LRRC49: variants seen among roughly 807,000 people sequenced by gnomAD.
The protein encoded by LRRC49 is leucine rich repeat containing 49, also known as leucine-rich repeat-containing protein 49.
In LRRC49, 50 loss-of-function variants were observed where a neutral mutation model predicts 83.3. That is an observed-to-expected ratio of 0.60 (90% CI 0.48 to 0.76). The LOEUF (loss-of-function observed/expected upper bound fraction) is 0.76. LRRC49 is among the 30% of genes least tolerant of loss of function. The pLI is 0.00. For missense variants in LRRC49, 704 were observed against 809.1 expected, an observed-to-expected ratio of 0.87 and a Z score of 1.58; for synonymous variants, 286 against 283.3, an observed-to-expected ratio of 1.01 and a Z score of -0.10.
At chr15:70,863,415 G>C (rs1408925230) in intron 1 of LRRC49, among the ~76,000 whole-genome samples, 1 of 152,206 alleles carries the variant, frequency 6.6e-6, no homozygotes, top group Non-Finnish European at 1.5e-5. Context: ...GGATATGAGA[G>C]CAAACAAGAC....
chr15:71,019,185 T>A (rs2038918061), intron 14 of LRRC49, among the ~76,000 whole-genome samples: 1 of 152,120 alleles, frequency 6.6e-6, no homozygotes, highest in Non-Finnish European at 1.5e-5. Context: ...AAGTCAGTTT[T>A]CAGCTCCTCT....
chr15:70,884,003 A>G (rs2033336831), intron 2 of LRRC49, among the ~76,000 whole-genome samples: 3 of 152,114 alleles, frequency 2.0e-5, no homozygotes, highest in Admixed American at 6.6e-5. Context: ...AGGTAGAAAG[A>G]AGGAGGGTTT....
intron 6 of LRRC49, among the ~76,000 whole-genome samples, chr15:70,912,063 T>C (rs1239890122): frequency 6.6e-6 from 1 of 152,144 alleles, no homozygotes; most frequent in Non-Finnish European, 1.5e-5. Flanking sequence ...TGTCTCTTAA[T>C]TTAAAAAAGG....
chr15:70,912,035 T>A (rs2034570208), intron 6 of LRRC49, among the ~76,000 whole-genome samples: 1 of 152,164 alleles, frequency 6.6e-6, no homozygotes, highest in South Asian at 2.1e-4. Flanking sequence ...GTCTTAATAA[T>A]ATATCCTTTA....
rs190710575 is a variant in LRRC49 at position 70,989,069 on chromosome 15, A to G, written c.1169+4812A>G. ...ACCTTTCTCTCTGGCTGTGCTTAAC[A>G]TTTTTTCCTTCATTTCAACTTTGGT... On this transcript the variant is annotated intron_variant, in intron 11 of 15. Transcript: ENST00000260382. Among the ~76,000 whole-genome samples the G allele has an allele frequency of 9.9e-5, 15 of 151,948 alleles. No homozygotes were observed. In the East Asian group the frequency reaches 2.9e-3, roughly 29 times the overall value.
At chr15:70,859,300 CAAG>C in intron 1 of LRRC49, 1 of 811,244 alleles carries the variant, frequency 1.2e-6, no homozygotes, top group Non-Finnish European at 2.2e-6. Flanking sequence ...TTGTCCTCAT[CAAG>C]AAGGATGTGG....
intron 14 of LRRC49, among the ~76,000 whole-genome samples, chr15:71,016,691 T>C (rs1008302795): frequency 6.6e-6 from 1 of 152,060 alleles, no homozygotes; most frequent in African/African-American, 2.4e-5. Flanking sequence ...TTAATATTTC[T>C]TCATACCAAT....
chr15:70,989,390 C>G (rs1039509900), intron 11 of LRRC49, among the ~76,000 whole-genome samples: 1 of 152,140 alleles, frequency 6.6e-6, no homozygotes, highest in Non-Finnish European at 1.5e-5. Flanking sequence ...ATTTCATCTT[C>G]CATCACTGAT....
In LRRC49 at chr15:71,012,834, A is replaced by T. The variant is rs774959858; in HGVS notation, c.1624A>T (p.Arg542Trp). The change falls in exon 14 of 16, where the codon AGG becomes TGG. Residue 542 changes from arginine to tryptophan, a missense_variant. Physicochemically the swap from Arg to Trp is moderately radical, Grantham distance 101. Transcript: ENST00000260382. ...ACAGAATGATATGATAATGGCTGAA[A>T]GGCTCTTTGGAATCCTAGCACATGT... is the stretch of plus-strand genomic sequence containing the variant. Reference protein sequence around the residue: ...VTQNDMIMAERLFGILAHVAS... With the variant: ...VTQNDMIMAEWLFGILAHVAS... The T allele has an allele frequency of 3.7e-6, 6 of 1,612,726 alleles. No individual in the cohort carries two copies. The highest frequency in any genetic ancestry group is 5.1e-6 in the Non-Finnish European group (6 of 1,179,214).
At position 70,884,599 on chromosome 15, in the gene LRRC49, A is replaced by G. The variant is rs961641263; in HGVS notation, c.19-8985A>G. On this transcript the variant is annotated intron_variant, in intron 2 of 16. Coordinates refer to the LRRC49 transcript ENST00000544974. ...AAATTCCTGTGAAGAGTCCCTTTGT[A>G]ACACAAATCTTATTTAAAGGGTTTA... is the stretch of plus-strand genomic sequence containing the variant. Among the ~76,000 whole-genome samples, 199 of 152,222 alleles carry G rather than the reference A, an allele frequency of 1.3e-3. 2 individuals carry two copies. The highest frequency in any genetic ancestry group is 5.9e-5 in the Non-Finnish European group (4 of 68,010).
upstream of LRRC49, chr15:70,892,453 CTCTTTGATATCTT>C (rs1169175859): frequency 6.5e-7 from 1 of 1,534,156 alleles, no homozygotes; most frequent in Admixed American, 2.0e-5. Flanking sequence ...AATGGGAGGG[CTCTTTGATATCTT>C]CCTCCTCCTC....
chr15:70,995,487 A>T (rs1341986895), intron 11 of LRRC49, among the ~76,000 whole-genome samples: 1 of 152,198 alleles, frequency 6.6e-6, no homozygotes, highest in African/African-American at 2.4e-5. Context: ...AGATCCGTTG[A>T]AGCCATTATT....
chr15:71,049,639 T>C lies in LRRC49; in HGVS notation c.*27T>C. ...AATGGCCTTTAGTTACAGTTGATTT[T>C]GGCAGTTTTATTTTTTGAAGGTTGA... On this transcript the variant is annotated 3_prime_UTR_variant, in exon 16 of 16. Transcript: ENST00000260382. 2.0e-6 allele frequency: 3 copies of C among 1,534,354 alleles called. No homozygotes were observed. The highest frequency in any genetic ancestry group is 2.7e-6 in the Non-Finnish European group (3 of 1,118,694).
chr15:71,004,106 T>C (rs1385963558), intron 11 of LRRC49, among the ~76,000 whole-genome samples: 1 of 152,194 alleles, frequency 6.6e-6, no homozygotes, highest in East Asian at 1.9e-4. Flanking sequence ...CTCATCACTT[T>C]TTAAATTTAA....
chr15:71,019,797 T>G, intron 14 of LRRC49, among the ~76,000 whole-genome samples: 1 of 152,308 alleles, frequency 6.6e-6, no homozygotes, highest in Admixed American at 6.5e-5. Context: ...TAAATATCAC[T>G]GTCTCTAAAT....
chr15:70,909,257 A>G (rs981069982), intron 5 of LRRC49, among the ~76,000 whole-genome samples: 3 of 152,230 alleles, frequency 2.0e-5, no homozygotes, highest in Admixed American at 2.0e-4. Context: ...TAATTCAATA[A>G]TATAGGAACC....
intron 1 of LRRC49, 199 bp downstream of exon 1, chr15:70,893,141 A>G (rs1040344240): frequency 2.7e-5 from 17 of 637,006 alleles, no homozygotes; most frequent in African/African-American, 5.5e-5. Context: ...AGTCTTGTCC[A>G]GGATCTGGGC....
intron 7 of LRRC49, among the ~76,000 whole-genome samples, chr15:70,921,842 A>C (rs1053932478): frequency 1.3e-5 from 2 of 152,184 alleles, no homozygotes; most frequent in South Asian, 2.1e-4. Flanking sequence ...AACAAATGCA[A>C]CCTACTTACC....
At chr15:70,924,067 TTGTTA>T (rs1408785665) in intron 7 of LRRC49, among the ~76,000 whole-genome samples, 1 of 151,944 alleles carries the variant, frequency 6.6e-6, no homozygotes, top group Non-Finnish European at 1.5e-5. Context: ...TTGCATTCAG[TTGTTA>T]TATCTCCTTA....
Sources: allele counts gnomAD v4.1 joint callset (sites outside exome capture counted in the v4.1 genomes callset), GRCh38; gene constraint gnomAD v4.1.1; transcripts MANE v1.5; gene names NCBI Gene and HGNC (gene_info 2026-07-23, HGNC 2026-07-21).